GMPS: variants seen among roughly 807,000 people sequenced by gnomAD.
GMPS encodes guanosine monophosphate synthase.
GMPS carries 15 observed loss-of-function variants against 77.9 expected under a neutral mutation model. That is an observed-to-expected ratio of 0.19 (90% confidence interval 0.13 to 0.30). GMPS has a LOEUF of 0.30. GMPS is among the 10% of genes least tolerant of loss of function. GMPS has a pLI of 1.00. For synonymous variants in GMPS, 224 were observed against 275.9 expected, an observed-to-expected ratio of 0.81 and a Z score of 1.86; for missense variants, 590 against 838.8, an observed-to-expected ratio of 0.70 and a Z score of 3.66.
chr3:155,923,586 G>T (rs544827715), intron 11 of GMPS, among the ~76,000 whole-genome samples: 70 of 152,274 alleles, frequency 4.6e-4, no homozygotes, highest in Non-Finnish European at 7.5e-4. Context: ...GTAAAGGCAA[G>T]ACTTCAAAAT....
chr3:155,933,191 CA>C (rs1417894373), intron 13 of GMPS, among the ~76,000 whole-genome samples: 1 of 150,044 alleles, frequency 6.7e-6, no homozygotes, highest in East Asian at 1.9e-4. Context: ...GACTTCATCT[CA>C]AAAAAAGGAA....
chr3:155,874,963 A>G (rs1259931096), intron 1 of GMPS, among the ~76,000 whole-genome samples: 1 of 137,994 alleles, frequency 7.2e-6, no homozygotes, highest in East Asian at 2.1e-4. Context: ...GCTGGAGTAC[A>G]GTGGCATGAT....
intron 1 of GMPS, among the ~76,000 whole-genome samples, chr3:155,887,956 CAG>C (rs1440393349): frequency 2.0e-5 from 3 of 152,250 alleles, no homozygotes; most frequent in Admixed American, 6.5e-5. Flanking sequence ...AACAGAACTA[CAG>C]AGTCTTACTT....
intron 1 of GMPS, among the ~76,000 whole-genome samples, chr3:155,872,710 G>T (rs552716112): frequency 6.6e-6 from 1 of 152,088 alleles, no homozygotes. Context: ...TGAGCCTAGG[G>T]TGAATTAATT....
At chr3:155,913,839 A>G (rs1315873450) in intron 7 of GMPS, among the ~76,000 whole-genome samples, 1 of 151,864 alleles carries the variant, frequency 6.6e-6, no homozygotes, top group African/African-American at 2.4e-5. Flanking sequence ...ATAATTTGTG[A>G]TGTCATGGCC....
chr3:155,912,079 G>A (rs187313083), intron 7 of GMPS, among the ~76,000 whole-genome samples: 1 of 152,000 alleles, frequency 6.6e-6, no homozygotes, highest in South Asian at 2.1e-4. Context: ...AGGTGCAATT[G>A]ATAGTTATAA....
chr3:155,890,654 G>C (rs575638117), intron 1 of GMPS, among the ~76,000 whole-genome samples: 6 of 152,286 alleles, frequency 3.9e-5, no homozygotes, highest in African/African-American at 1.4e-4. Flanking sequence ...TTAATGTCAT[G>C]AAATATCTCC....
At chr3:155,908,659 G>T (rs1398791882) in intron 5 of GMPS, among the ~76,000 whole-genome samples, 1 of 152,178 alleles carries the variant, frequency 6.6e-6, no homozygotes, top group Non-Finnish European at 1.5e-5. Flanking sequence ...GGAAGAAAAA[G>T]TAGAATCAAG....
At chr3:155,935,416 C>T (rs950043630) in intron 14 of GMPS, among the ~76,000 whole-genome samples, 2 of 152,208 alleles carry the variant, frequency 1.3e-5, no homozygotes, top group African/African-American at 4.8e-5. Flanking sequence ...CTCCTAACCT[C>T]ATGTGATCAG....
chr3:155,871,695 G>A (rs1167808555), intron 1 of GMPS, among the ~76,000 whole-genome samples: 1 of 152,200 alleles, frequency 6.6e-6, no homozygotes, highest in Non-Finnish European at 1.5e-5. Flanking sequence ...CCCGCCTTTG[G>A]GGTCCCTCCC....
chr3:155,941,876 T>C lies in GMPS; in HGVS notation c.*4184T>C, dbSNP rs1051317679. On this transcript the variant is annotated 3_prime_UTR_variant, in exon 16 of 16. Transcript: ENST00000496455. ...TCACTTAATGGCAAGTGAAGAGATA[T>C]AGAATCCCCCAAAGAGTGTCAAGAT... 8.9e-5 allele frequency: 19 copies of C among 213,776 alleles called. No individual in the cohort carries two copies. Among genetic ancestry groups the C allele is most frequent in the East Asian group, 2.1e-4 (3 of 14,298 alleles). 13.2% of individuals were successfully genotyped at this position (213,776 alleles called of 1,614,324 possible).
chr3:155,920,359 A>G (rs1018195057), intron 10 of GMPS, among the ~76,000 whole-genome samples: 1 of 152,136 alleles, frequency 6.6e-6, no homozygotes, highest in African/African-American at 2.4e-5. Flanking sequence ...CATGCCGGCG[A>G]AGAATGGTCT....
chr3:155,877,521 C>T (rs542345210), intron 1 of GMPS, among the ~76,000 whole-genome samples: 2 of 152,194 alleles, frequency 1.3e-5, no homozygotes, highest in South Asian at 2.1e-4. Context: ...AACCTCTACC[C>T]TTCAGCAAGG....
intron 2 of GMPS, among the ~76,000 whole-genome samples, chr3:155,894,237 T>A (rs1754543814): frequency 6.6e-6 from 1 of 152,228 alleles, no homozygotes; most frequent in African/African-American, 2.4e-5. Context: ...GCTTTCTTTT[T>A]TTTTGAGGCG....
chr3:155,870,670 T>C lies in GMPS; in HGVS notation c.-201T>C, dbSNP rs1232941485. 2.4e-5 allele frequency: 12 copies of C among 499,094 alleles called. No homozygotes were observed. The highest frequency in any genetic ancestry group is 3.6e-5 in the Non-Finnish European group (10 of 281,034). 30.9% of individuals were successfully genotyped at this position (499,094 alleles called of 1,614,324 possible). A position where few individuals can be genotyped will look rare whatever the true frequency, so the allele number is the denominator to read the frequency against. On this transcript the variant is annotated 5_prime_UTR_variant, in exon 1 of 16. Coordinates refer to ENST00000496455, the MANE Select transcript of GMPS (RefSeq NM_003875.3). Reference sequence around the variant, plus strand: ...GGGGCAGCGTGCGCGCTGCTGGTCTTCTCTCCCGCGGCGCTGGGGCCCGCG... The same window carrying C: ...GGGGCAGCGTGCGCGCTGCTGGTCTCCTCTCCCGCGGCGCTGGGGCCCGCG...
intron 1 of GMPS, among the ~76,000 whole-genome samples, chr3:155,881,197 A>T (rs1210635109): frequency 7.3e-4 from 34 of 46,890 alleles, no homozygotes; most frequent in African/African-American, 2.4e-3. Flanking sequence ...TTTGAGACGG[A>T]GTTTTGCTAT....
Position 155,938,437 on chromosome 3 carries a change from T to C in GMPS, c.*745T>C, listed in dbSNP as rs367594279. On this transcript the variant is annotated 3_prime_UTR_variant, in exon 16 of 16. Coordinates refer to ENST00000496455, the MANE Select transcript of GMPS (RefSeq NM_003875.3). ...AAGGAGCTTTATCCTCCTAGCCTTA[T>C]ATTACCAGCCCCCCACAGCCTTGCA... The C allele has an allele frequency of 9.4e-6, 2 of 212,600 alleles. No individual in the cohort carries two copies. Among genetic ancestry groups the C allele is most frequent in the Admixed American group, 5.9e-5 (1 of 17,000 alleles). 13.2% of individuals were successfully genotyped at this position (212,600 alleles called of 1,614,324 possible).
rs780624665 is a variant in GMPS, at chr3:155,910,793, A to G, written c.628A>G (p.Ile210Val). Residue 210 changes from isoleucine to valine, a missense_variant, in exon 6 of 16, where the codon ATA (isoleucine) becomes GTA (valine). Ile to Val is a conservative substitution (Grantham distance 29). Transcript: ENST00000496455. Reference sequence around the variant, plus strand: ...AATACTGAAGAATTTCCTTTATGATATAGCTGGATGCAGTGGAACCTTCAC... The same window carrying G: ...AATACTGAAGAATTTCCTTTATGATGTAGCTGGATGCAGTGGAACCTTCAC... ...KVILKNFLYD[I>V]AGCSGTFTVQ... 1.3e-5 allele frequency: 21 copies of G among 1,611,920 alleles called. No individual in the cohort carries two copies. The highest frequency in any genetic ancestry group is 1.7e-5 in the Admixed American group (1 of 59,928).
In GMPS at chr3:155,908,830, G is replaced by A. The variant is rs181108321; in HGVS notation, c.527-1862G>A. Among the ~76,000 whole-genome samples the A allele has an allele frequency of 3.3e-3, 502 of 152,264 alleles. 4 individuals are homozygous for A. The highest frequency in any genetic ancestry group is 0.011 in the African/African-American group (459 of 41,550). On this transcript the variant is annotated intron_variant, in intron 5 of 15. Coordinates refer to ENST00000496455, the MANE Select transcript of GMPS (RefSeq NM_003875.3). Reference sequence around the variant, plus strand: ...AGTAGGCAGTTGTATATATGAGCCTGGACTTTAGAGGAGAAAACTGGGCTG... The same window carrying A: ...AGTAGGCAGTTGTATATATGAGCCTAGACTTTAGAGGAGAAAACTGGGCTG...
Sources: gnomAD v4.1 joint callset for allele counts (sites outside exome capture counted in the v4.1 genomes callset) on GRCh38, gnomAD v4.1.1 for gene constraint, MANE v1.5 for transcripts, NCBI Gene and HGNC (gene_info 2026-07-23, HGNC 2026-07-21) for gene names.